The following RANBP2 variants were observed in gnomAD, a reference collection of about 807,000 sequenced individuals.
RANBP2 encodes the protein RAN binding protein 2.
A neutral mutation model predicts 303.6 loss-of-function variants in RANBP2; 57 were observed. The ratio of observed to expected loss-of-function variants is 0.19; its 90% CI spans 0.15 to 0.23. The LOEUF (loss-of-function observed/expected upper bound fraction) is 0.23. Ranked by LOEUF, RANBP2 falls within the 10% of genes least tolerant of loss-of-function variation. The pLI, the probability that RANBP2 is intolerant of heterozygous loss-of-function variation, is 1.00. For missense variants in RANBP2, 3,138 were observed against 3,780.8 expected (o/e 0.83, Z 4.46); for synonymous variants, 1,167 against 1,301.5 (o/e 0.90, Z 2.23).
At chr2:109,548,324 AC>A in the RANBP2 span, among the ~76,000 whole-genome samples, 1 of 152,228 alleles carries the variant, frequency 6.6e-6, no homozygotes, top group African/African-American at 2.4e-5. Flanking sequence ...GGTAAATCTG[AC>A]ATTAACATTT....
chr2:109,035,567 G>C, the RANBP2 span, among the ~76,000 whole-genome samples: 1 of 143,862 alleles, frequency 7.0e-6, no homozygotes, highest in Non-Finnish European at 1.5e-5. Context: ...CAAGCTCTAA[G>C]AAAGGCCTGG....
the RANBP2 span, among the ~76,000 whole-genome samples, chr2:109,370,473 C>T: frequency 6.6e-6 from 1 of 152,190 alleles, no homozygotes; most frequent in African/African-American, 2.4e-5. Context: ...CTCCTGATCT[C>T]AGGTGATCAC....
chr2:109,588,850 T>TAA, the RANBP2 span, among the ~76,000 whole-genome samples: 3,204 of 111,374 alleles, frequency 0.029, 269 homozygotes, highest in East Asian at 0.2. Flanking sequence ...CAATTACTAT[T>TAA]AAAAAAAAAA....
At chr2:109,108,357 T>A in the RANBP2 span, among the ~76,000 whole-genome samples, 1 of 152,202 alleles carries the variant, frequency 6.6e-6, no homozygotes, top group Non-Finnish European at 1.5e-5. Context: ...TTTTTAAAAC[T>A]CTCCTTTTCT....
chr2:109,267,776 C>T, the RANBP2 span, among the ~76,000 whole-genome samples: 3 of 152,358 alleles, frequency 2.0e-5, no homozygotes, highest in Admixed American at 6.5e-5. Context: ...TGCGTCTGTC[C>T]CTGGAGCGAG....
At chr2:109,138,136 C>A in the RANBP2 span, among the ~76,000 whole-genome samples, 1 of 152,218 alleles carries the variant, frequency 6.6e-6, no homozygotes, top group South Asian at 2.1e-4. Flanking sequence ...CTGCCTCAGC[C>A]TCCCAAGTGG....
the RANBP2 span, among the ~76,000 whole-genome samples, chr2:109,535,166 C>T: frequency 5.3e-5 from 8 of 152,312 alleles, no homozygotes; most frequent in South Asian, 2.1e-4. Flanking sequence ...AAACAATGGA[C>T]GATGCAGACC....
At chr2:109,405,373 G>A in the RANBP2 span, among the ~76,000 whole-genome samples, 1 of 152,066 alleles carries the variant, frequency 6.6e-6, no homozygotes, top group Non-Finnish European at 1.5e-5. Flanking sequence ...CTGACTCCCT[G>A]CCCCTGAGTT....
At chr2:109,527,907 G>A in the RANBP2 span, among the ~76,000 whole-genome samples, 754 of 152,334 alleles carry the variant, frequency 4.9e-3, 7 homozygotes, top group African/African-American at 0.017. Flanking sequence ...AGGAGCCAGG[G>A]AGGGCAGAGC....
chr2:109,086,836 AGTG>A, the RANBP2 span, among the ~76,000 whole-genome samples: 1 of 152,162 alleles, frequency 6.6e-6, no homozygotes, highest in Non-Finnish European at 1.5e-5. Flanking sequence ...GGCTGAAAAC[AGTG>A]CCTCCCCAAG....
At chr2:109,315,898 C>T in the RANBP2 span, among the ~76,000 whole-genome samples, 89,557 of 151,732 alleles carry the variant, frequency 0.59, 27,781 homozygotes, top group East Asian at 0.91. Flanking sequence ...ACGTCACCTG[C>T]GACCAGCATA....
At chr2:108,761,435 C>T (rs1234981591) in intron 18 of RANBP2, among the ~76,000 whole-genome samples, 1 of 152,148 alleles carries the variant, frequency 6.6e-6, no homozygotes, top group Non-Finnish European at 1.5e-5. Flanking sequence ...TATCATAAAA[C>T]AGTTCAAGCA....
the RANBP2 span, among the ~76,000 whole-genome samples, chr2:108,806,562 C>G: frequency 6.6e-6 from 1 of 152,070 alleles, no homozygotes; most frequent in Non-Finnish European, 1.5e-5. Flanking sequence ...GCTTTGTAGG[C>G]CATGTGGTCT....
At chr2:109,385,883 G>A in the RANBP2 span, among the ~76,000 whole-genome samples, 4 of 139,498 alleles carry the variant, frequency 2.9e-5, no homozygotes, top group Non-Finnish European at 6.3e-5. Flanking sequence ...AGAGATGGAC[G>A]TTTGGTTGAA....
At position 108,759,960 on chromosome 2, in the gene RANBP2, A is replaced by C. The variant is rs564067792; in HGVS notation, c.2602+1412A>C. Among the ~76,000 whole-genome samples, 8 of 152,266 alleles carry C rather than the reference A, an allele frequency of 5.3e-5. No individual in the cohort carries two copies. The South Asian group carries it at 1.7e-3, about 32-fold the overall frequency. On this transcript the variant is annotated intron_variant, in intron 18 of 28. Coordinates refer to ENST00000283195, the MANE Select transcript of RANBP2 (RefSeq NM_006267.5). ...AAATGTGTAGAAGCAGCACATCCTC[A>C]TTTTACAATTGAGAAACATGGAGAC...
the RANBP2 span, among the ~76,000 whole-genome samples, chr2:109,244,582 A>G: frequency 1.3e-5 from 2 of 152,230 alleles, no homozygotes; most frequent in East Asian, 3.8e-4. Flanking sequence ...AATAGTTGCT[A>G]TAGGAATAAG....
At chr2:109,263,395 A>G in the RANBP2 span, among the ~76,000 whole-genome samples, 3 of 152,250 alleles carry the variant, frequency 2.0e-5, no homozygotes, top group Admixed American at 6.5e-5. Flanking sequence ...TTTATTTTTT[A>G]TAGGTAGCTT....
chr2:109,174,118 A>G, the RANBP2 span, among the ~76,000 whole-genome samples: 3 of 152,220 alleles, frequency 2.0e-5, no homozygotes, highest in African/African-American at 7.2e-5. Context: ...TCAGGACAGC[A>G]GGGCTGTGCC....
At chr2:109,691,889 TCTC>T in the RANBP2 span, among the ~76,000 whole-genome samples, 116,362 of 151,326 alleles carry the variant, frequency 0.77, 45,360 homozygotes, top group East Asian at 0.91. Flanking sequence ...TTCAAGCAAT[TCTC>T]CTGCCTCAGC....
Sources: gnomAD v4.1 joint callset for allele counts (sites outside exome capture counted in the v4.1 genomes callset) on GRCh38, gnomAD v4.1.1 for gene constraint, MANE v1.5 for transcripts, NCBI Gene and HGNC (gene_info 2026-07-23, HGNC 2026-07-21) for gene names.